The following CBLL1 variants were observed in gnomAD, a reference collection of about 807,000 sequenced individuals.
The protein encoded by CBLL1 is E3 ubiquitin-protein ligase Hakai.
In CBLL1, 4 loss-of-function variants were observed where a neutral mutation model predicts 44.9. That is an observed-to-expected ratio of 0.09 (90% CI 0.04 to 0.20). The LOEUF (loss-of-function observed/expected upper bound fraction) is 0.20. CBLL1 is among the 10% of genes least tolerant of loss of function. The pLI is 1.00. For synonymous variants in CBLL1, 235 were observed against 202.2 expected (o/e 1.16, Z -1.38); for missense variants, 569 against 636.7 (o/e 0.89, Z 1.14).
rs1177860340 is a variant in CBLL1 at position 107,759,767 on chromosome 7, C to T, written c.*589C>T. ...TTTAGGCACTGAAATGTTGAGGTTTCGAGGTATAGTAAGTATACAATGCAC... is the reference window on the plus strand; with the variant it reads ...TTTAGGCACTGAAATGTTGAGGTTTTGAGGTATAGTAAGTATACAATGCAC... On this transcript the variant is annotated 3_prime_UTR_variant, in exon 6 of 6. Coordinates refer to ENST00000440859, the MANE Select transcript of CBLL1 (RefSeq NM_024814.4). 2 of 152,522 alleles carry T rather than the reference C, an allele frequency of 1.3e-5. No homozygotes were observed. Among genetic ancestry groups the T allele is most frequent in the African/African-American group, 2.4e-5 (1 of 41,408 alleles). 9.4% of individuals were successfully genotyped at this position (152,522 alleles called of 1,614,324 possible). A position where few individuals can be genotyped will look rare whatever the true frequency, so the allele number is the denominator to read the frequency against.
At chr7:107,749,816 A>G (rs1215346589) in intron 2 of CBLL1, among the ~76,000 whole-genome samples, 1 of 152,160 alleles carries the variant, frequency 6.6e-6, no homozygotes, top group Non-Finnish European at 1.5e-5. Flanking sequence ...TATTTTAATT[A>G]TGAAAGAGTG....
chr7:107,752,190 C>G lies in CBLL1; in HGVS notation c.182-1221C>G, dbSNP rs568932025. On this transcript the variant is annotated intron_variant, in intron 2 of 5. Transcript: ENST00000440859. ...CTCCAACCTGGGCGACAGAGTGAGA[C>G]TCTGTCTCAAAAAAAAAAAAAAAAA... is the stretch of plus-strand genomic sequence containing the variant. Among the ~76,000 whole-genome samples the G allele has an allele frequency of 1.1e-3, 158 of 143,072 alleles. 2 individuals carry two copies. The highest frequency in any genetic ancestry group is 3.9e-3 in the African/African-American group (149 of 38,058). The allele number at this position is 143,072 out of a possible 152,430, so 93.9% of individuals were successfully genotyped here.
chr7:107,744,213 G>GC, intron 1 of CBLL1, 37 bp downstream of exon 1: 2 of 1,534,868 alleles, frequency 1.3e-6, no homozygotes, highest in South Asian at 1.2e-5. Flanking sequence ...CCGGTTCCAA[G>GC]CCCCCTTGGC....
At chr7:107,746,107 T>C (rs1000853143) in intron 1 of CBLL1, among the ~76,000 whole-genome samples, 1 of 152,104 alleles carries the variant, frequency 6.6e-6, no homozygotes, top group Admixed American at 6.5e-5. Flanking sequence ...ATTTATAGAG[T>C]TGAAACTGGG....
intron 5 of CBLL1, among the ~76,000 whole-genome samples, chr7:107,757,484 T>C (rs1235154028): frequency 1.3e-5 from 2 of 152,158 alleles, no homozygotes; most frequent in Non-Finnish European, 2.9e-5. Flanking sequence ...TGAAAAATAG[T>C]TATAATTTTG....
chr7:107,749,990 C>G (rs1241771440), intron 2 of CBLL1, among the ~76,000 whole-genome samples: 1 of 151,988 alleles, frequency 6.6e-6, no homozygotes. Context: ...GAGTCTTACT[C>G]TGTTGCCTGG....
At chr7:107,744,458 G>T in intron 1 of CBLL1, 1 of 416,944 alleles carries the variant, frequency 2.4e-6, no homozygotes, top group African/African-American at 2.1e-5. Flanking sequence ...CCTTCGGGAA[G>T]GGAGAGCCCC....
chr7:107,758,927 C>G lies in CBLL1; in HGVS notation c.1225C>G (p.Pro409Ala), dbSNP rs1481601394. Reference protein sequence around the residue: ...MNHPPPGPPPPQHGGPPVTAP... With the variant: ...MNHPPPGPPPAQHGGPPVTAP... ...TCATCCTCCTCCAGGACCTCCCCCACCTCAACATGGTGGTCCACCTGTAAC... is the reference window on the plus strand; with the variant it reads ...TCATCCTCCTCCAGGACCTCCCCCAGCTCAACATGGTGGTCCACCTGTAAC... Residue 409 changes from proline (P) to alanine (A), a missense_variant, in exon 6 of 6, where the codon CCT becomes GCT. This residue lies in a region of CBLL1 where 228 missense variants were observed against 253.2 expected (regional missense o/e 0.90). Transcript: ENST00000440859. This position sits in a 1 kb window ranked among gnomAD's most constrained non-coding sequence, Gnocchi z 4.2. 3 of 1,613,782 alleles carry G rather than the reference C, an allele frequency of 1.9e-6. No individual in the cohort carries two copies. Among genetic ancestry groups the G allele is most frequent in the South Asian group, 2.2e-5 (2 of 91,030 alleles).
intron 2 of CBLL1, among the ~76,000 whole-genome samples, chr7:107,751,825 A>T (rs1793305157): frequency 6.6e-6 from 1 of 152,090 alleles, no homozygotes; most frequent in Non-Finnish European, 1.5e-5. Flanking sequence ...TAATGATGGG[A>T]GTACAGGTGG....
intron 2 of CBLL1, chr7:107,752,458 G>A (rs1793348006): frequency 1.9e-6 from 1 of 517,504 alleles, no homozygotes; most frequent in African/African-American, 2.0e-5. Flanking sequence ...GTGTGTGTGT[G>A]TGTGTGTCTG....
chr7:107,750,055 C>G (rs963946816), intron 2 of CBLL1, among the ~76,000 whole-genome samples: 9 of 151,900 alleles, frequency 5.9e-5, no homozygotes, highest in Non-Finnish European at 8.8e-5. Context: ...AGTGATCTTT[C>G]CACCTCAGTC....
intron 2 of CBLL1, chr7:107,752,637 A>G: frequency 8.2e-7 from 1 of 1,216,656 alleles, no homozygotes; most frequent in Non-Finnish European, 1.1e-6. Flanking sequence ...TTCTACCTAG[A>G]ATTCCCATCA....
chr7:107,759,071 C>T lies in CBLL1; in HGVS notation c.1369C>T (p.Pro457Ser). ...AATGAGTCCTGGTATATGGCCTGCA[C>T]CAAGAGGGCCACCACCACCTCCACG... ...GGMSPGIWPA[P>S]RGPPPPPRLQ... Residue 457 changes from proline to serine, a missense_variant, in exon 6 of 6, where the codon CCA becomes TCA. Coordinates refer to ENST00000440859, the MANE Select transcript of CBLL1 (RefSeq NM_024814.4). The T allele has an allele frequency of 5.6e-6, 9 of 1,613,870 alleles. No individual in the cohort carries two copies. Among genetic ancestry groups the T allele is most frequent in the Non-Finnish European group, 7.6e-6 (9 of 1,179,906 alleles).
intron 2 of CBLL1, chr7:107,752,571 G>T (rs1160210592): frequency 7.8e-7 from 1 of 1,289,552 alleles, no homozygotes; most frequent in Non-Finnish European, 1.0e-6. Context: ...GTCGTGAGAA[G>T]CCTGGCTCCT....
chr7:107,756,057 G>C (rs4730259), intron 5 of CBLL1, among the ~76,000 whole-genome samples: 1 of 152,034 alleles, frequency 6.6e-6, no homozygotes, highest in African/African-American at 2.4e-5. Context: ...TTTGGAGTAT[G>C]TCTTAGAACA....
Position 107,758,885 on chromosome 7 carries a change from A to C in CBLL1, c.1183A>C (p.Met395Leu). The change falls in exon 6 of 6, where the codon ATG becomes CTG. Residue 395 changes from methionine to leucine, a missense_variant. Around this residue, in one of 5 missense-constraint regions of CBLL1, gnomAD observed 228 missense variants for 253.2 expected, o/e 0.90. Transcript: ENST00000440859. This position sits in a 1 kb window ranked among gnomAD's most constrained non-coding sequence, Gnocchi z 4.2. The part of the protein sequence containing the change: ...TPPPGHIIAQ[M>L]PPYMNHPPPG... ...TCCCCCTGGACATATTATTGCCCAGATGCCACCTTATATGAATCATCCTCC... is the reference window on the plus strand; with the variant it reads ...TCCCCCTGGACATATTATTGCCCAGCTGCCACCTTATATGAATCATCCTCC... 6.2e-7 allele frequency: 1 copy of C among 1,613,940 alleles called. No individual in the cohort carries two copies. The highest frequency in any genetic ancestry group is 8.5e-7 in the Non-Finnish European group (1 of 1,179,944).
rs1227662293 is a variant in CBLL1, at chr7:107,760,340, T to A, written c.*1162T>A. On this transcript the variant is annotated 3_prime_UTR_variant, in exon 6 of 6. Coordinates refer to ENST00000440859, the MANE Select transcript of CBLL1 (RefSeq NM_024814.4). ...TTCCTCTAACTTGAAATTTAAAAAC[T>A]TTTATTTCCTATTCCTTTTGTCGGT... The A allele has an allele frequency of 6.6e-6, 1 of 152,288 alleles. No homozygotes were observed. Among genetic ancestry groups the A allele is most frequent in the East Asian group, 1.9e-4 (1 of 5,342 alleles). 9.4% of individuals were successfully genotyped at this position (152,288 alleles called of 1,614,324 possible).
chr7:107,755,895 G>T (rs756318290), intron 5 of CBLL1, among the ~76,000 whole-genome samples: 1 of 152,066 alleles, frequency 6.6e-6, no homozygotes, highest in South Asian at 2.1e-4. Flanking sequence ...AAATGAGACT[G>T]ATAATAGTAC....
chr7:107,750,608 A>G (rs1428131747), intron 2 of CBLL1, among the ~76,000 whole-genome samples: 1 of 152,202 alleles, frequency 6.6e-6, no homozygotes, highest in African/African-American at 2.4e-5. Flanking sequence ...TGAAGATTCT[A>G]TATAGTCAGA....
Sources: gnomAD v4.1 joint callset for allele counts (sites outside exome capture counted in the v4.1 genomes callset) on GRCh38, gnomAD v4.1.1 for gene constraint, gnomAD v4.1.1 regional missense constraint, Gnocchi (gnomAD v3.1) non-coding constraint, MANE v1.5 for transcripts, NCBI Gene and HGNC (gene_info 2026-07-23, HGNC 2026-07-21) for gene names.